The following TNFRSF10B variants were observed in gnomAD, a reference collection of about 807,000 sequenced individuals.
TNFRSF10B encodes the protein tumor necrosis factor receptor superfamily member 10B.
Under a neutral mutation model 41.4 loss-of-function variants are expected in TNFRSF10B, and 35 were observed. The ratio of observed to expected loss-of-function variants is 0.85; its 90% CI spans 0.65 to 1.12. TNFRSF10B has a LOEUF of 1.12. Among genes scored for constraint, TNFRSF10B ranks in the 50% most tolerant of loss-of-function variants. TNFRSF10B has a pLI of 0.00. For synonymous variants in TNFRSF10B, 230 were observed against 215.5 expected (o/e 1.07, Z -0.59); for missense variants, 584 against 552.7 (o/e 1.06, Z -0.57).
intron 1 of TNFRSF10B, among the ~76,000 whole-genome samples, chr8:23,046,819 G>C (rs957898733): frequency 6.6e-6 from 1 of 152,042 alleles, no homozygotes; most frequent in East Asian, 1.9e-4. Flanking sequence ...ATGGTCAATT[G>C]ATTTTTGCCA....
intron 1 of TNFRSF10B, among the ~76,000 whole-genome samples, chr8:23,045,808 A>G (rs1201541051): frequency 1.3e-5 from 2 of 152,258 alleles, no homozygotes; most frequent in Non-Finnish European, 2.9e-5. Context: ...AATGTGATAT[A>G]CCATATTAAC....
rs1414214251 is a variant in TNFRSF10B, at chr8:23,020,325, C to T, written c.*2346G>A. On this transcript the variant is annotated 3_prime_UTR_variant, in exon 9 of 9. Transcript: ENST00000276431. ...CTGTCCTGTGTCACATGCTATTTGG[C>T]CTGGGGATATAGCAAAGCCTAATGT... The T allele has an allele frequency of 2.2e-6, 1 of 454,078 alleles. No individual in the cohort carries two copies. The highest frequency in any genetic ancestry group is 2.3e-5 in the Admixed American group (1 of 42,576). 28.1% of individuals were successfully genotyped at this position (454,078 alleles called of 1,614,324 possible). A position where few individuals can be genotyped will look rare whatever the true frequency, so the allele number is the denominator to read the frequency against.
intron 7 of TNFRSF10B, among the ~76,000 whole-genome samples, chr8:23,026,799 C>T (rs1241320475): frequency 6.6e-6 from 1 of 152,194 alleles, no homozygotes; most frequent in Non-Finnish European, 1.5e-5. Context: ...CCTGCTGTTA[C>T]AAGCAAGGGC....
At position 23,047,404 on chromosome 8, in the gene TNFRSF10B, T is replaced by C. The variant is rs75748061; in HGVS notation, c.145-4161A>G. Among the ~76,000 whole-genome samples the C allele has an allele frequency of 6.6e-3, 919 of 139,918 alleles. 4 individuals are homozygous for C. Among genetic ancestry groups the C allele is most frequent in the Middle Eastern group, 0.027 (7 of 256 alleles). 91.8% of individuals were successfully genotyped at this position (139,918 alleles called of 152,430 possible). On this transcript the variant is annotated intron_variant, in intron 1 of 8. Coordinates refer to ENST00000276431, the MANE Select transcript of TNFRSF10B (RefSeq NM_003842.5). ...CTGCACAACAAAGGAAACAACAGAG[T>C]GAAGCAATAAGCTACAGACTGGGAG...
rs747550578 is a variant in TNFRSF10B, at chr8:23,022,431, C to T, written c.*240G>A. 41 of 644,612 alleles carry T rather than the reference C, an allele frequency of 6.4e-5. No homozygotes were observed. Among genetic ancestry groups the T allele is most frequent in the African/African-American group, 4.5e-4 (25 of 56,000 alleles). 39.9% of individuals were successfully genotyped at this position (644,612 alleles called of 1,614,324 possible). On this transcript the variant is annotated 3_prime_UTR_variant, in exon 9 of 9. Coordinates refer to ENST00000276431, the MANE Select transcript of TNFRSF10B (RefSeq NM_003842.5). ...AACCAAATCTCAAAGTACGCACAAA[C>T]GGAATGATCCAGACATTTCCATAGT...
intron 2 of TNFRSF10B, among the ~76,000 whole-genome samples, chr8:23,037,462 A>G (rs1252313118): frequency 6.6e-6 from 1 of 152,228 alleles, no homozygotes; most frequent in African/African-American, 2.4e-5. Flanking sequence ...CTGGAAGAGA[A>G]GCTTATTTTG....
intron 1 of TNFRSF10B, among the ~76,000 whole-genome samples, chr8:23,046,565 T>A (rs1469131644): frequency 1.3e-5 from 2 of 149,282 alleles, no homozygotes; most frequent in African/African-American, 4.9e-5. Context: ...AATTCCAATA[T>A]CATTTTTCAT....
At chr8:23,066,974 G>GCTTT (rs781368265) in intron 1 of TNFRSF10B, among the ~76,000 whole-genome samples, 1 of 151,774 alleles carries the variant, frequency 6.6e-6, no homozygotes, top group Non-Finnish European at 1.5e-5. Flanking sequence ...CTCTGTTGTG[G>GCTTT]CTTTCTTTCT....
chr8:23,063,065 C>T (rs1812876608), intron 1 of TNFRSF10B, among the ~76,000 whole-genome samples: 1 of 152,090 alleles, frequency 6.6e-6, no homozygotes, highest in Non-Finnish European at 1.5e-5. Context: ...ATCCATGTTC[C>T]CAGCCAGGCA....
At chr8:23,055,714 C>G (rs1458875148) in intron 1 of TNFRSF10B, among the ~76,000 whole-genome samples, 1 of 152,014 alleles carries the variant, frequency 6.6e-6, no homozygotes, top group African/African-American at 2.4e-5. Context: ...CCTCCACAAA[C>G]AAGGGTATTG....
At chr8:23,036,729 G>C (rs772569246) in intron 2 of TNFRSF10B, among the ~76,000 whole-genome samples, 1 of 152,136 alleles carries the variant, frequency 6.6e-6, no homozygotes, top group Non-Finnish European at 1.5e-5. Context: ...TGTAATCCCA[G>C]TTACTTGGGA....
chr8:23,039,041 C>G (rs1346337573), intron 2 of TNFRSF10B, among the ~76,000 whole-genome samples: 1 of 151,796 alleles, frequency 6.6e-6, no homozygotes, highest in Admixed American at 6.6e-5. Context: ...TTTCCTGCAA[C>G]TAGATGGTCC....
intron 3 of TNFRSF10B, 71 bp from the exon 4 acceptor site, chr8:23,029,792 A>G (rs1164075934): frequency 1.4e-6 from 2 of 1,441,454 alleles, no homozygotes; most frequent in African/African-American, 2.8e-5. Context: ...TCCCCACCCC[A>G]AGACCCTGCT....
intron 1 of TNFRSF10B, among the ~76,000 whole-genome samples, chr8:23,046,072 G>C (rs183818310): frequency 9.3e-4 from 142 of 152,246 alleles, no homozygotes; most frequent in African/African-American, 3.3e-3. Context: ...CATGGTACTG[G>C]AAGTCCTAGC....
At chr8:23,056,363 T>C (rs1812666161) in intron 1 of TNFRSF10B, among the ~76,000 whole-genome samples, 1 of 152,164 alleles carries the variant, frequency 6.6e-6, no homozygotes, top group African/African-American at 2.4e-5. Context: ...TCAGGAATTA[T>C]GAAATGTGAA....
intron 8 of TNFRSF10B, among the ~76,000 whole-genome samples, chr8:23,023,918 G>A (rs976294049): frequency 6.6e-6 from 1 of 152,122 alleles, no homozygotes; most frequent in African/African-American, 2.4e-5. Context: ...GGGGCAGGCG[G>A]GGGCTACATC....
chr8:23,061,227 C>T (rs930042186), intron 1 of TNFRSF10B, among the ~76,000 whole-genome samples: 26 of 152,102 alleles, frequency 1.7e-4, no homozygotes, highest in Non-Finnish European at 2.8e-4. Context: ...GCTCTGATTG[C>T]CTTTAAAAAG....
At chr8:23,044,474 CAAA>C (rs1291300925) in intron 1 of TNFRSF10B, among the ~76,000 whole-genome samples, 3 of 151,960 alleles carry the variant, frequency 2.0e-5, no homozygotes, top group African/African-American at 4.8e-5. Context: ...ACAACAACAA[CAAA>C]AAGCCAACAA....
At chr8:23,056,582 T>A (rs1294943653) in intron 1 of TNFRSF10B, among the ~76,000 whole-genome samples, 4 of 149,082 alleles carry the variant, frequency 2.7e-5, no homozygotes, top group Non-Finnish European at 5.9e-5. Flanking sequence ...ACCAGGGAGG[T>A]GGAGGTTACA....
Sources: gnomAD v4.1 joint callset for allele counts (sites outside exome capture counted in the v4.1 genomes callset) on GRCh38, gnomAD v4.1.1 for gene constraint, MANE v1.5 for transcripts, NCBI Gene and HGNC (gene_info 2026-07-23, HGNC 2026-07-21) for gene names.